The following TTLL13 variants were observed in gnomAD, a reference collection of about 807,000 sequenced individuals.
The protein encoded by TTLL13 is tubulin tyrosine ligase like 13.
the TTLL13 span, chr15:90,251,706 G>T: frequency 8.2e-7 from 1 of 1,221,606 alleles, no homozygotes; most frequent in South Asian, 1.2e-5. Flanking sequence ...GGGCCTGGCG[G>T]GCTTGCCTCT....
the TTLL13 span, chr15:90,264,661 G>A: frequency 6.6e-7 from 1 of 1,512,302 alleles, no homozygotes. Context: ...AGTTGGGAAA[G>A]AGGTGAACAA....
At chr15:90,262,468 T>C in the TTLL13 span, 1 of 1,460,644 alleles carries the variant, frequency 6.8e-7, no homozygotes, top group Non-Finnish European at 9.0e-7. Context: ...TTCTCTACTG[T>C]CTGAAGCTGC....
the TTLL13 span, chr15:90,262,870 T>G: frequency 7.4e-7 from 1 of 1,344,420 alleles, no homozygotes; most frequent in Non-Finnish European, 9.9e-7. Context: ...AGGGAAGGGA[T>G]GAGGGTAGAG....
At chr15:90,261,823 TA>T in the TTLL13 span, among the ~76,000 whole-genome samples, 6 of 152,228 alleles carry the variant, frequency 3.9e-5, no homozygotes, top group Non-Finnish European at 8.8e-5. Context: ...AAGTCAAGCC[TA>T]TTTTCATGGC....
the TTLL13 span, chr15:90,264,058 C>T: frequency 1.0e-5 from 16 of 1,525,190 alleles, no homozygotes; most frequent in South Asian, 7.2e-5. Flanking sequence ...GCTCACTAGC[C>T]GTAAGTATGC....
the TTLL13 span, chr15:90,257,337 T>C: frequency 6.4e-7 from 1 of 1,564,612 alleles, no homozygotes; most frequent in Non-Finnish European, 8.6e-7. Context: ...TGAGGTTCTC[T>C]AGAGAAACAT....
chr15:90,253,493 C>T, the TTLL13 span: 5 of 554,378 alleles, frequency 9.0e-6, no homozygotes, highest in African/African-American at 1.9e-5. Context: ...CAAGAAAGAC[C>T]ACCCCCAGGG....
At chr15:90,258,222 G>C in the TTLL13 span, 1 of 1,614,178 alleles carries the variant, frequency 6.2e-7, no homozygotes, top group Middle Eastern at 1.6e-4. Context: ...TGAAATCCTT[G>C]GTTTTGACAT....
the TTLL13 span, among the ~76,000 whole-genome samples, chr15:90,252,932 G>A: frequency 1.3e-5 from 2 of 152,328 alleles, no homozygotes; most frequent in Non-Finnish European, 2.9e-5. Flanking sequence ...GAACCTGGGA[G>A]GCGGAGGTTG....
the TTLL13 span, chr15:90,255,838 T>C: frequency 1.2e-6 from 2 of 1,614,134 alleles, no homozygotes; most frequent in East Asian, 2.2e-5. Context: ...ACAAACTCTA[T>C]CCCTCTGAGT....
the TTLL13 span, among the ~76,000 whole-genome samples, chr15:90,254,562 G>A: frequency 4.4e-5 from 6 of 136,998 alleles, no homozygotes; most frequent in Admixed American, 1.6e-4. Flanking sequence ...GGCTGGGCAC[G>A]GTGGACGGTG....
At chr15:90,251,670 AC>A in the TTLL13 span, 2 of 1,539,000 alleles carry the variant, frequency 1.3e-6, no homozygotes, top group East Asian at 2.3e-5. Flanking sequence ...TCTGGAATGG[AC>A]CCCCGATCAG....
the TTLL13 span, chr15:90,256,372 G>C: frequency 2.5e-6 from 4 of 1,584,764 alleles, no homozygotes; most frequent in Non-Finnish European, 3.5e-6. Flanking sequence ...CAAAAGCCAG[G>C]GAGGAAGCTG....
the TTLL13 span, chr15:90,259,156 A>G: frequency 1.2e-6 from 1 of 860,452 alleles, no homozygotes; most frequent in East Asian, 3.8e-5. Flanking sequence ...TGAGCCCTAG[A>G]GTTCAACACC....
At chr15:90,250,614 C>A in the TTLL13 span, 2 of 1,608,930 alleles carry the variant, frequency 1.2e-6, no homozygotes, top group Non-Finnish European at 1.7e-6. Flanking sequence ...CCCCGCAACC[C>A]CTCAGAATCT....
chr15:90,250,044 A>G, the TTLL13 span, among the ~76,000 whole-genome samples: 2 of 147,562 alleles, frequency 1.4e-5, no homozygotes, highest in East Asian at 4.1e-4. Flanking sequence ...TGCAACCTCC[A>G]CCTCCCAGGT....
At chr15:90,256,597 CTTTCTT>C in the TTLL13 span, among the ~76,000 whole-genome samples, 9 of 35,250 alleles carry the variant, frequency 2.6e-4, no homozygotes, top group African/African-American at 8.6e-4. Flanking sequence ...TTCTTTCTTT[CTTTCTT>C]TCTTTCCTTC....
the TTLL13 span, chr15:90,255,908 G>A: frequency 1.4e-5 from 22 of 1,613,918 alleles, no homozygotes; most frequent in Non-Finnish European, 1.9e-5. Flanking sequence ...GGCTTCCCAT[G>A]CTGAGATACC....
chr15:90,259,629 G>A, the TTLL13 span, among the ~76,000 whole-genome samples: 5 of 152,174 alleles, frequency 3.3e-5, no homozygotes, highest in African/African-American at 9.7e-5. Context: ...GGTTAGCAAC[G>A]TATTTTAGAG....
Sources: gnomAD v4.1 joint callset for allele counts (sites outside exome capture counted in the v4.1 genomes callset) on GRCh38, gnomAD v4.1.1 for gene constraint, MANE v1.5 for transcripts, NCBI Gene and HGNC (gene_info 2026-07-23, HGNC 2026-07-21) for gene names.